Variants in VIPAS39 observed in about 807,000 individuals in gnomAD.
VIPAS39 encodes spermatogenesis-defective protein 39 homolog.
Under a neutral mutation model 84.7 loss-of-function variants are expected in VIPAS39, and 63 were observed. The ratio of observed to expected loss-of-function variants is 0.74; its 90% CI spans 0.61 to 0.92. The LOEUF is 0.92. VIPAS39 is among the 40% of genes least tolerant of loss of function. VIPAS39 has a pLI of 0.00. For missense variants in VIPAS39, 499 were observed against 604.5 expected, an observed-to-expected ratio of 0.83 and a Z score of 1.83; for synonymous variants, 192 against 216.5, an observed-to-expected ratio of 0.89 and a Z score of 0.99.
rs141465213 is a variant in VIPAS39 at position 77,444,303 on chromosome 14, T to C, written c.543A>G (p.Lys181=). The change falls in exon 8 of 20, where the codon AAA becomes AAG. Residue 181 remains lysine, a synonymous_variant. Coordinates refer to ENST00000557658, the MANE Select transcript of VIPAS39 (RefSeq NM_001193315.2). ...SLERFRSLQD[K]LQLLEEAVSM... ...TTACTGCCTCTTCTAGGAGTTGTAGTTTGTCCTGTAAGGAGCGGAATCTCT... is the reference window on the plus strand; with the variant it reads ...TTACTGCCTCTTCTAGGAGTTGTAGCTTGTCCTGTAAGGAGCGGAATCTCT... 37 of 1,613,858 alleles carry C rather than the reference T, an allele frequency of 2.3e-5. No homozygotes were observed. Among genetic ancestry groups the C allele is most frequent in the Non-Finnish European group, 2.9e-5 (34 of 1,179,812 alleles).
chr14:77,457,449 T>G (rs2078979243), intron 1 of VIPAS39, 46 bp downstream of exon 1: 1 of 1,514,804 alleles, frequency 6.6e-7, no homozygotes, highest in Non-Finnish European at 8.9e-7. Context: ...GCGGAGAGGC[T>G]GGATCCAGCC....
chr14:77,438,551 T>C (rs1168147571), intron 11 of VIPAS39, among the ~76,000 whole-genome samples: 1 of 152,232 alleles, frequency 6.6e-6, no homozygotes, highest in Admixed American at 6.5e-5. Context: ...ATTTCTATCA[T>C]TGTAGAAAGT....
At chr14:77,446,881 G>A (rs2078798622) in intron 7 of VIPAS39, among the ~76,000 whole-genome samples, 1 of 151,744 alleles carries the variant, frequency 6.6e-6, no homozygotes, top group African/African-American at 2.4e-5. Flanking sequence ...GCACAATCTC[G>A]GCTCATTGCA....
chr14:77,455,857 T>C (rs1174181819), intron 1 of VIPAS39, among the ~76,000 whole-genome samples: 1 of 152,238 alleles, frequency 6.6e-6, no homozygotes, highest in African/African-American at 2.4e-5. Context: ...TTTCTACTGG[T>C]ACAGGGTTGT....
At chr14:77,443,198 G>T in intron 8 of VIPAS39, 46 bp from the exon 9 acceptor site, 1 of 1,612,652 alleles carries the variant, frequency 6.2e-7, no homozygotes, top group Non-Finnish European at 8.5e-7. Flanking sequence ...CCAACACAGA[G>T]TCATGCCCTG....
intron 1 of VIPAS39, among the ~76,000 whole-genome samples, chr14:77,454,694 T>C (rs941595073): frequency 1.2e-5 from 1 of 85,158 alleles, no homozygotes; most frequent in African/African-American, 3.7e-5. Context: ...AAAAAAAAAG[T>C]GTCAGACGTG....
At chr14:77,440,070 A>G (rs1396791444) in intron 11 of VIPAS39, among the ~76,000 whole-genome samples, 1 of 152,020 alleles carries the variant, frequency 6.6e-6, no homozygotes, top group Non-Finnish European at 1.5e-5. Context: ...TTTTTTTTAG[A>G]GATGGGATCT....
intron 1 of VIPAS39, among the ~76,000 whole-genome samples, chr14:77,456,412 TAA>T (rs2139916918): frequency 6.6e-6 from 1 of 152,306 alleles, no homozygotes; most frequent in Admixed American, 6.5e-5. Flanking sequence ...ATAGAACATA[TAA>T]ATGTCTCTGG....
intron 13 of VIPAS39, 56 bp downstream of exon 13, chr14:77,435,788 T>G (rs2078601239): frequency 3.8e-6 from 6 of 1,576,572 alleles, no homozygotes; most frequent in Non-Finnish European, 5.2e-6. Flanking sequence ...TCCTAGATGC[T>G]GAACGGCACT....
intron 8 of VIPAS39, 124 bp from the exon 9 acceptor site, chr14:77,443,276 T>TCAC: frequency 8.6e-7 from 1 of 1,168,990 alleles, no homozygotes; most frequent in Non-Finnish European, 1.3e-6. Context: ...GCTCTGTATG[T>TCAC]GATGCAAGGA....
intron 2 of VIPAS39, 67 bp from the exon 3 acceptor site, chr14:77,453,468 A>G (rs990171955): frequency 6.7e-7 from 1 of 1,491,094 alleles, no homozygotes; most frequent in Non-Finnish European, 9.4e-7. Context: ...TCTGACAATC[A>G]AGAAGGCTGA....
At chr14:77,441,365 G>C (rs2078700790) in intron 10 of VIPAS39, among the ~76,000 whole-genome samples, 1 of 120,192 alleles carries the variant, frequency 8.3e-6, no homozygotes, top group Non-Finnish European at 1.9e-5. Context: ...CAGAAAACTT[G>C]GTTGTTGTTT....
intron 11 of VIPAS39, among the ~76,000 whole-genome samples, chr14:77,438,300 C>T (rs563081556): frequency 6.6e-6 from 1 of 150,996 alleles, no homozygotes; most frequent in East Asian, 1.9e-4. Context: ...ACAATCTCAG[C>T]TCATTGCAAC....
In VIPAS39 at chr14:77,433,897, G is replaced by A. The variant is rs747290213; in HGVS notation, c.1124C>T (p.Ala375Val). Residue 375 changes from alanine to valine, a missense_variant, in exon 16 of 20, where the codon GCT becomes GTT. Physicochemically the swap from Ala to Val is moderately conservative, Grantham distance 64. Transcript: ENST00000557658. ...CCAGGCTCGAAGCTTGGCACGAGCA[G>A]CCAGGGCTGTCAGCACATACTGTTT... ...PDKQYVLTAL[A>V]ARAKLRAWND... The A allele has an allele frequency of 1.9e-6, 3 of 1,613,968 alleles. No homozygotes were observed. Among genetic ancestry groups the A allele is most frequent in the African/African-American group, 1.3e-5 (1 of 74,918 alleles).
chr14:77,432,497 G>A (rs977061556), intron 16 of VIPAS39, among the ~76,000 whole-genome samples: 2 of 152,098 alleles, frequency 1.3e-5, no homozygotes, highest in Non-Finnish European at 2.9e-5. Context: ...TTATTCACAA[G>A]AGCCAAGATA....
intron 12 of VIPAS39, among the ~76,000 whole-genome samples, chr14:77,436,766 G>A (rs1411328224): frequency 6.6e-6 from 1 of 152,120 alleles, no homozygotes; most frequent in Non-Finnish European, 1.5e-5. Flanking sequence ...ACATGAAGAT[G>A]CTGAGGGACA....
rs530909290 is a variant in VIPAS39 at position 77,440,977 on chromosome 14, C to T, written c.762+89G>A. On this transcript the variant is annotated intron_variant, in intron 11 of 19. Transcript: ENST00000557658. ...AGGTGATCCACCCACCTCGGCCTCC[C>T]AAAGTGCTGGGATTACAGGCGTGAG... The T allele has an allele frequency of 1.3e-4, 195 of 1,552,608 alleles. No individual in the cohort carries two copies. In the East Asian group the frequency reaches 4.2e-3, roughly 34 times the overall value.
At chr14:77,452,936 T>C (rs1360042034) in intron 3 of VIPAS39, among the ~76,000 whole-genome samples, 1 of 152,156 alleles carries the variant, frequency 6.6e-6, no homozygotes, top group East Asian at 1.9e-4. Context: ...TATGGCTATA[T>C]ATCAGAATCA....
At position 77,457,556 on chromosome 14, in the gene VIPAS39, CCTT is replaced by C. The variant is rs2078982375; in HGVS notation, c.-65_-63del. ...CAGCCTCCGCCGCCGCTGGACCAGC[CCTT>C]CTATTCAGGCTGTGCAGCTTAGAGA... On this transcript the variant is annotated 5_prime_UTR_variant, in exon 1 of 20. Transcript: ENST00000557658. 4 of 645,416 alleles carry C rather than the reference CCTT, an allele frequency of 6.2e-6. No homozygotes were observed. The highest frequency in any genetic ancestry group is 8.0e-6 in the Non-Finnish European group (3 of 375,938). 40.0% of individuals were successfully genotyped at this position (645,416 alleles called of 1,614,324 possible).
Sources: gnomAD v4.1 joint callset for allele counts (sites outside exome capture counted in the v4.1 genomes callset) on GRCh38, gnomAD v4.1.1 for gene constraint, MANE v1.5 for transcripts, NCBI Gene and HGNC (gene_info 2026-07-23, HGNC 2026-07-21) for gene names.